The following SLC2A10 variants were observed in gnomAD, a reference collection of about 807,000 sequenced individuals.
SLC2A10 encodes the protein solute carrier family 2 member 10.
A neutral mutation model predicts 32.1 loss-of-function variants in SLC2A10; 25 were observed. The observed-to-expected ratio is 0.78, with a 90% CI of 0.57 to 1.09. The LOEUF (loss-of-function observed/expected upper bound fraction) is 1.09, where lower values mean the gene tolerates loss of function less well. Among genes scored for constraint, SLC2A10 ranks in the 50% least tolerant of loss-of-function variants. The pLI, the probability that SLC2A10 is intolerant of heterozygous loss-of-function variation, is 0.00. For missense variants in SLC2A10, 673 were observed against 686.5 expected (o/e 0.98, Z 0.22); for synonymous variants, 332 against 309.6 (o/e 1.07, Z -0.76).
Position 46,725,852 on chromosome 20 carries a change from C to T in SLC2A10, c.816C>T (p.Ala272=), listed in dbSNP as rs148058006. 4.3e-6 allele frequency: 7 copies of T among 1,614,252 alleles called. No homozygotes were observed. The highest frequency in any genetic ancestry group is 1.1e-5 in the South Asian group (1 of 91,092). Residue 272 remains alanine, a synonymous_variant, in exon 2 of 5, where the codon GCC becomes GCT. Coordinates refer to ENST00000359271, the MANE Select transcript of SLC2A10 (RefSeq NM_030777.4). ...ATGGGGGATCCTCAGCCGTGCTGGC[C>T]TCTGTGGGGCTTGGCGCAGTGAAGG... is the stretch of plus-strand genomic sequence containing the variant. ...GFHGGSSAVL[A]SVGLGAVKVA...
At chr20:46,709,933 C>T in intron 1 of SLC2A10, 193 bp downstream of exon 1, 4 of 596,574 alleles carry the variant, frequency 6.7e-6, no homozygotes, top group Non-Finnish European at 1.1e-5. Context: ...GGTCGCGCTT[C>T]CTTCCATCTT....
intron 1 of SLC2A10, among the ~76,000 whole-genome samples, chr20:46,723,269 G>A (rs960389941): frequency 4.6e-5 from 7 of 152,034 alleles, no homozygotes; most frequent in Non-Finnish European, 1.0e-4. Context: ...AAGAGGTAAG[G>A]GAGCTAGAAA....
rs1377061977 is a variant in SLC2A10 at position 46,735,225 on chromosome 20, T to C, written c.*1391T>C. 1 of 152,592 alleles carries C rather than the reference T, an allele frequency of 6.6e-6. No individual in the cohort carries two copies. The allele number at this position is 152,592 out of a possible 1,614,324, so 9.5% of individuals were successfully genotyped here. A position where few individuals can be genotyped will look rare whatever the true frequency, so the allele number is the denominator to read the frequency against. On this transcript the variant is annotated 3_prime_UTR_variant, in exon 5 of 5. Coordinates refer to ENST00000359271, the MANE Select transcript of SLC2A10 (RefSeq NM_030777.4). ...TAGGTGCTGGATGCTTTGTCATCCA[T>C]GCGTGCACATATGGGTGCTGGCAGA...
intron 1 of SLC2A10, among the ~76,000 whole-genome samples, chr20:46,724,673 G>GGATT (rs1979752561): frequency 6.8e-6 from 1 of 146,238 alleles, no homozygotes; most frequent in African/African-American, 2.6e-5. Context: ...ATGGATGGAT[G>GGATT]GTTGGAGTGG....
At position 46,725,641 on chromosome 20, in the gene SLC2A10, AGG is replaced by A; in HGVS notation, c.607_608del (p.Gly203ArgfsTer2). 6.2e-7 allele frequency: 1 copy of A among 1,614,024 alleles called. No homozygotes were observed. Among genetic ancestry groups the A allele is most frequent in the South Asian group, 1.1e-5 (1 of 91,086 alleles). ...ACACACAAGGACCTCATCCCACTCCAGGGAGGTGAGGCCCCCAAGCTGGGCCC... is the reference window on the plus strand; with the variant it reads ...ACACACAAGGACCTCATCCCACTCCAGAGGTGAGGCCCCCAAGCTGGGCCC... On this transcript the variant is annotated frameshift_variant, in exon 2 of 5. Transcript: ENST00000359271. LOFTEE classifies it high-confidence loss of function.
chr20:46,713,002 T>C (rs1979022926), intron 1 of SLC2A10, among the ~76,000 whole-genome samples: 1 of 152,144 alleles, frequency 6.6e-6, no homozygotes, highest in Admixed American at 6.5e-5. Context: ...TTCCTGTCCA[T>C]GGCCACTTCC....
At chr20:46,717,817 A>G (rs1979337008) in intron 1 of SLC2A10, among the ~76,000 whole-genome samples, 1 of 152,220 alleles carries the variant, frequency 6.6e-6, no homozygotes, top group Non-Finnish European at 1.5e-5. Flanking sequence ...AAATGCAGAC[A>G]CTGAGGAGGG....
At chr20:46,729,624 A>AGTTTTTTTT (rs1568988514) in intron 4 of SLC2A10, 136 bp downstream of exon 4, 1 of 372,342 alleles carries the variant, frequency 2.7e-6, no homozygotes, top group African/African-American at 3.7e-5. Context: ...GGGCACTATG[A>AGTTTTTTTT]GTTTTTTTTT....
intron 1 of SLC2A10, among the ~76,000 whole-genome samples, chr20:46,711,822 C>G (rs948680299): frequency 7.9e-5 from 12 of 152,198 alleles, no homozygotes; most frequent in African/African-American, 2.7e-4. Context: ...GCCAACTTCT[C>G]TGGTCACTAT....
intron 1 of SLC2A10, among the ~76,000 whole-genome samples, chr20:46,717,586 T>C (rs1979324097): frequency 6.6e-6 from 1 of 152,280 alleles, no homozygotes; most frequent in East Asian, 1.9e-4. Context: ...GGTTTTGCCA[T>C]GTTGGCCAGG....
Position 46,723,480 on chromosome 20 carries a change from A to G in SLC2A10, c.5-1561A>G, listed in dbSNP as rs138367195. On this transcript the variant is annotated intron_variant, in intron 1 of 4. Coordinates refer to ENST00000359271, the MANE Select transcript of SLC2A10 (RefSeq NM_030777.4). The stretch of plus-strand genomic sequence containing the variant: ...GGTGAATGGACATTGATTGGGCCAC[A>G]TTCACCTCATTTAGCATCTCCATAC... 3.0e-4 allele frequency among the ~76,000 whole-genome samples: 46 copies of G among 152,334 alleles called. No individual in the cohort carries two copies. In the East Asian group the frequency reaches 8.5e-3, roughly 28 times the overall value.
intron 1 of SLC2A10, among the ~76,000 whole-genome samples, chr20:46,717,468 C>T (rs1979316128): frequency 6.6e-6 from 1 of 152,164 alleles, no homozygotes; most frequent in Admixed American, 6.5e-5. Flanking sequence ...TCACTACAAC[C>T]TCCGCCTCCT....
chr20:46,725,813 C>A lies in SLC2A10; in HGVS notation c.777C>A (p.Ser259Arg). Residue 259 changes from serine (S) to arginine (R), a missense_variant, in exon 2 of 5, where the codon AGC becomes AGA. Ser to Arg is a moderately radical substitution (Grantham distance 110). Transcript: ENST00000359271. ...TGTGCTATGCCTCCACCATCTTCAGCTCCGTTGGTTTCCATGGGGGATCCT... is the reference window on the plus strand; with the variant it reads ...TGTGCTATGCCTCCACCATCTTCAGATCCGTTGGTTTCCATGGGGGATCCT... ...NVLCYASTIFSSVGFHGGSSA... is the reference protein window; with the variant it reads ...NVLCYASTIFRSVGFHGGSSA... 6.2e-7 allele frequency: 1 copy of A among 1,614,256 alleles called. No individual in the cohort carries two copies. The highest frequency in any genetic ancestry group is 8.5e-7 in the Non-Finnish European group (1 of 1,180,042).
intron 1 of SLC2A10, among the ~76,000 whole-genome samples, chr20:46,716,729 A>AAT (rs1979264584): frequency 6.6e-6 from 1 of 152,122 alleles, no homozygotes; most frequent in African/African-American, 2.4e-5. Context: ...AATAAAATAA[A>AAT]AAATTCAGGC....
chr20:46,712,653 T>C (rs1185320666), intron 1 of SLC2A10, among the ~76,000 whole-genome samples: 2 of 63,184 alleles, frequency 3.2e-5, no homozygotes, highest in African/African-American at 7.9e-5. Flanking sequence ...CTTTCTTTCT[T>C]TTTTTTTTTT....
intron 1 of SLC2A10, among the ~76,000 whole-genome samples, chr20:46,714,997 C>T (rs909254515): frequency 1.3e-4 from 20 of 152,160 alleles, no homozygotes; most frequent in African/African-American, 2.4e-4. Flanking sequence ...GTCAGTGCAG[C>T]GGAGCTCTTA....
intron 1 of SLC2A10, among the ~76,000 whole-genome samples, chr20:46,717,472 G>A (rs1979316610): frequency 1.3e-5 from 2 of 152,012 alleles, no homozygotes; most frequent in South Asian, 4.2e-4. Flanking sequence ...TACAACCTCC[G>A]CCTCCTGGGT....
chr20:46,712,777 C>T (rs1288144807), intron 1 of SLC2A10, among the ~76,000 whole-genome samples: 1 of 151,622 alleles, frequency 6.6e-6, no homozygotes, highest in Non-Finnish European at 1.5e-5. Flanking sequence ...CCTCAGCCTC[C>T]CAAGTAGCTG....
At chr20:46,721,300 C>T (rs769820871) in intron 1 of SLC2A10, among the ~76,000 whole-genome samples, 9 of 152,188 alleles carry the variant, frequency 5.9e-5, no homozygotes, top group Non-Finnish European at 1.2e-4. Context: ...GGGCAAGTGA[C>T]TGGCCTGGTG....
Sources: allele counts gnomAD v4.1 joint callset (sites outside exome capture counted in the v4.1 genomes callset), GRCh38; gene constraint gnomAD v4.1.1; transcripts MANE v1.5; gene names NCBI Gene and HGNC (gene_info 2026-07-23, HGNC 2026-07-21).